DRC9: variants seen among roughly 807,000 people sequenced by gnomAD.
The protein encoded by DRC9 is dynein regulatory complex protein 9.
At chr3:197,934,805 A>T in the DRC9 span, among the ~76,000 whole-genome samples, 1 of 62,404 alleles carries the variant, frequency 1.6e-5, no homozygotes, top group African/African-American at 6.2e-5. Context: ...CCCTCCCCCC[A>T]CCCCATCTCA....
the DRC9 span, chr3:197,913,349 T>TGTGTGCGTGC: frequency 2.7e-5 from 5 of 188,044 alleles, no homozygotes; most frequent in Non-Finnish European, 4.1e-5. Context: ...TGCGTGCGTG[T>TGTGTGCGTGC]GTGCGTGCGT....
chr3:197,918,359 C>T, the DRC9 span, among the ~76,000 whole-genome samples: 1 of 150,842 alleles, frequency 6.6e-6, no homozygotes, highest in Non-Finnish European at 1.5e-5. Flanking sequence ...CTGCCTCGGC[C>T]TCCCAATGTG....
the DRC9 span, among the ~76,000 whole-genome samples, chr3:197,891,080 T>C: frequency 1.3e-5 from 2 of 152,198 alleles, no homozygotes; most frequent in African/African-American, 2.4e-5. Context: ...ACCCAGCAGA[T>C]AGTCTGGGCT....
chr3:197,925,900 A>G, the DRC9 span: 1 of 696,306 alleles, frequency 1.4e-6, no homozygotes, highest in East Asian at 2.5e-5. Flanking sequence ...TCAATAGTAA[A>G]GGAATGCCGG....
chr3:197,929,182 A>G, the DRC9 span, among the ~76,000 whole-genome samples: 1 of 152,200 alleles, frequency 6.6e-6, no homozygotes, highest in African/African-American at 2.4e-5. The surrounding 1 kb of genome is among the most constrained non-coding windows in gnomAD (Gnocchi z 4.6). Flanking sequence ...ATGGATGGTG[A>G]GTTTCCCCAG....
At chr3:197,902,145 G>T in the DRC9 span, among the ~76,000 whole-genome samples, 1 of 152,232 alleles carries the variant, frequency 6.6e-6, no homozygotes, top group Non-Finnish European at 1.5e-5. Flanking sequence ...ATGTCTGCAT[G>T]AACCACAGAA....
chr3:197,956,304 A>G, the DRC9 span: 1 of 160,544 alleles, frequency 6.2e-6, no homozygotes, highest in South Asian at 1.7e-4. Flanking sequence ...GAAACTTAAA[A>G]TTTGAATGGA....
chr3:197,893,622 TCA>T, the DRC9 span, among the ~76,000 whole-genome samples: 1 of 150,322 alleles, frequency 6.7e-6, no homozygotes, highest in African/African-American at 2.5e-5. Flanking sequence ...GGTGGGCAGA[TCA>T]CAGAGTCAGG....
chr3:197,908,351 TC>T, the DRC9 span, among the ~76,000 whole-genome samples: 4 of 142,866 alleles, frequency 2.8e-5, no homozygotes. Context: ...GATGAAGTTA[TC>T]ACAGGGGTGA....
the DRC9 span, among the ~76,000 whole-genome samples, chr3:197,954,670 C>T: frequency 6.6e-6 from 1 of 152,104 alleles, no homozygotes; most frequent in Admixed American, 6.6e-5. Flanking sequence ...TACCACCATG[C>T]CCAGATAATT....
chr3:197,907,245 T>A, the DRC9 span, among the ~76,000 whole-genome samples: 1 of 152,186 alleles, frequency 6.6e-6, no homozygotes, highest in African/African-American at 2.4e-5. Context: ...TTCTGGGCCT[T>A]CTCATGGTTA....
At chr3:197,938,989 A>G in the DRC9 span, 1 of 564,686 alleles carries the variant, frequency 1.8e-6, no homozygotes. Context: ...TCCCCAACTT[A>G]CCACCTGGTA....
the DRC9 span, among the ~76,000 whole-genome samples, chr3:197,893,684 C>CTA: frequency 1.5e-5 from 2 of 136,176 alleles, no homozygotes; most frequent in Non-Finnish European, 1.5e-5. Context: ...TCTACTAAAA[C>CTA]TACAAAAAAA....
the DRC9 span, chr3:197,932,417 G>A: frequency 7.7e-5 from 51 of 661,168 alleles, no homozygotes; most frequent in Middle Eastern, 6.1e-4. Flanking sequence ...GGCGGATCAC[G>A]AGGTCAGGAG....
At chr3:197,929,027 G>T in the DRC9 span, among the ~76,000 whole-genome samples, 25 of 152,334 alleles carry the variant, frequency 1.6e-4, no homozygotes, top group Non-Finnish European at 3.2e-4. This position sits in a 1 kb window ranked among gnomAD's most constrained non-coding sequence, Gnocchi z 4.6. Flanking sequence ...CCTCTCGGGA[G>T]ATCATGGGTG....
At chr3:197,958,965 G>GGGAGGC in the DRC9 span, 3 of 152,448 alleles carry the variant, frequency 2.0e-5, no homozygotes, top group South Asian at 4.1e-4. Context: ...CCAACACTTT[G>GGGAGGC]GGAGGCGGAG....
chr3:197,913,930 G>C, the DRC9 span: 2 of 1,613,984 alleles, frequency 1.2e-6, no homozygotes, highest in East Asian at 4.5e-5. Context: ...CTTTTTCTGG[G>C]TCTGGGCAAT....
the DRC9 span, chr3:197,891,316 A>C: frequency 1.8e-6 from 1 of 560,776 alleles, no homozygotes; most frequent in African/African-American, 1.9e-5. Context: ...AATAATAACA[A>C]AAGTCCATGC....
the DRC9 span, among the ~76,000 whole-genome samples, chr3:197,909,796 C>T: frequency 1.3e-5 from 2 of 152,120 alleles, no homozygotes; most frequent in Non-Finnish European, 2.9e-5. Context: ...AGTTCAAGAC[C>T]AGCCTGACCA....
Sources: allele counts gnomAD v4.1 joint callset (sites outside exome capture counted in the v4.1 genomes callset), GRCh38; gene constraint gnomAD v4.1.1; non-coding constraint Gnocchi (gnomAD v3.1); transcripts MANE v1.5; gene names NCBI Gene and HGNC (gene_info 2026-07-23, HGNC 2026-07-21).